Variants in TTC27 observed in about 807,000 individuals in gnomAD.
TTC27 encodes tetratricopeptide repeat domain 27.
A neutral mutation model predicts 115.9 loss-of-function variants in TTC27; 79 were observed. The observed-to-expected ratio is 0.68, with a 90% CI of 0.57 to 0.82. The LOEUF (loss-of-function observed/expected upper bound fraction) is 0.82. Ranked by LOEUF, TTC27 falls within the 40% of genes least tolerant of loss-of-function variation. TTC27 has a pLI of 0.00. For missense variants in TTC27, 1,054 were observed against 993.1 expected, an observed-to-expected ratio of 1.06 and a Z score of -0.82; for synonymous variants, 401 against 356.0, an observed-to-expected ratio of 1.13 and a Z score of -1.42.
At chr2:32,784,282 A>G (rs1670278145) in intron 15 of TTC27, among the ~76,000 whole-genome samples, 1 of 152,176 alleles carries the variant, frequency 6.6e-6, no homozygotes, top group African/African-American at 2.4e-5. Context: ...GCAGCTCCAC[A>G]AATAGGTTTT....
intron 10 of TTC27, among the ~76,000 whole-genome samples, chr2:32,710,427 C>CTTTTTTTTT (rs10651873): frequency 7.7e-6 from 1 of 129,856 alleles, no homozygotes; most frequent in Admixed American, 8.2e-5. Flanking sequence ...AAGTATATAG[C>CTTTTTTTTT]TTTTTTTTTT....
intron 8 of TTC27, 33 bp downstream of exon 8, chr2:32,672,417 A>T (rs1666045991): frequency 6.8e-7 from 1 of 1,470,856 alleles, no homozygotes; most frequent in Non-Finnish European, 9.5e-7. Context: ...TGCTTTGAAC[A>T]CTTTGCATAT....
In TTC27 at chr2:32,646,102, C is replaced by G. The variant is rs182477797; in HGVS notation, c.538-4029C>G. 2.6e-5 allele frequency among the ~76,000 whole-genome samples: 4 copies of G among 151,564 alleles called. No individual in the cohort carries two copies. In the East Asian group the frequency reaches 7.8e-4, roughly 29 times the overall value. ...GGAGTGCAGTGGTGCAATCTTGGCT[C>G]CCTGCAACCTCTGCCTCCTGGGTTC... On this transcript the variant is annotated intron_variant, in intron 4 of 19. Coordinates refer to ENST00000317907, the MANE Select transcript of TTC27 (RefSeq NM_017735.5).
intron 10 of TTC27, among the ~76,000 whole-genome samples, chr2:32,708,966 A>C (rs1014399229): frequency 2.4e-4 from 36 of 152,296 alleles, no homozygotes; most frequent in African/African-American, 8.2e-4. Context: ...GTTTTTAGGG[A>C]GTCAAAAGTC....
chr2:32,727,331 C>T (rs1572553534), intron 10 of TTC27, among the ~76,000 whole-genome samples: 1 of 152,182 alleles, frequency 6.6e-6, no homozygotes, highest in African/African-American at 2.4e-5. Flanking sequence ...CATGATGTTA[C>T]ACAATCAGTA....
At chr2:32,692,114 CAA>C (rs1313473616) in intron 9 of TTC27, among the ~76,000 whole-genome samples, 1 of 119,018 alleles carries the variant, frequency 8.4e-6, no homozygotes, top group Non-Finnish European at 1.6e-5. Flanking sequence ...CTCCTGGGCT[CAA>C]GTGTTCTGCC....
At chr2:32,687,210 C>A (rs183381978) in intron 9 of TTC27, among the ~76,000 whole-genome samples, 2 of 152,192 alleles carry the variant, frequency 1.3e-5, no homozygotes, top group Admixed American at 6.5e-5. Flanking sequence ...TATGTGGTTG[C>A]AAAGTTTCTA....
intron 13 of TTC27, among the ~76,000 whole-genome samples, chr2:32,761,941 A>C (rs1435638690): frequency 6.6e-6 from 1 of 152,200 alleles, no homozygotes; most frequent in East Asian, 1.9e-4. Flanking sequence ...ATATATACTA[A>C]TTGTCTGCCC....
chr2:32,705,510 A>G (rs1667337575), intron 10 of TTC27, among the ~76,000 whole-genome samples: 1 of 150,244 alleles, frequency 6.7e-6, no homozygotes, highest in South Asian at 2.3e-4. Context: ...CCACTATACT[A>G]ACGAGGAGGT....
chr2:32,779,222 CA>C (rs71407472), intron 14 of TTC27, among the ~76,000 whole-genome samples: 9 of 146,758 alleles, frequency 6.1e-5, no homozygotes, highest in Non-Finnish European at 1.2e-4. Context: ...GATTCTGTCT[CA>C]AAAAAAAAAC....
At chr2:32,786,111 C>G (rs1284144974) in intron 15 of TTC27, among the ~76,000 whole-genome samples, 1 of 138,226 alleles carries the variant, frequency 7.2e-6, no homozygotes, top group East Asian at 2.3e-4. Context: ...ACTCCTCCCT[C>G]TCCCCCTTAA....
At chr2:32,786,009 A>T (rs961583858) in intron 15 of TTC27, among the ~76,000 whole-genome samples, 6 of 152,042 alleles carry the variant, frequency 3.9e-5, no homozygotes, top group African/African-American at 1.4e-4. Context: ...TTCCTTTTCA[A>T]TGTAAATTAT....
intron 10 of TTC27, among the ~76,000 whole-genome samples, chr2:32,707,545 T>G (rs1270138371): frequency 6.6e-6 from 1 of 152,204 alleles, no homozygotes; most frequent in African/African-American, 2.4e-5. Flanking sequence ...TCAAGTCTAC[T>G]TTTTGATCTT....
intron 2 of TTC27, among the ~76,000 whole-genome samples, chr2:32,631,478 T>G (rs1003333879): frequency 9.9e-5 from 15 of 152,216 alleles, no homozygotes; most frequent in Admixed American, 2.0e-4. Flanking sequence ...TTTGTGTAAT[T>G]TTATAGGGTT....
At chr2:32,790,419 C>T (rs568524856) in intron 16 of TTC27, among the ~76,000 whole-genome samples, 5 of 151,812 alleles carry the variant, frequency 3.3e-5, no homozygotes, top group African/African-American at 1.2e-4. Context: ...CTTGTTTATC[C>T]ATTTTATAAT....
At chr2:32,648,163 T>C (rs780273589) in intron 4 of TTC27, among the ~76,000 whole-genome samples, 35 of 151,152 alleles carry the variant, frequency 2.3e-4, no homozygotes, top group Admixed American at 5.9e-4. Context: ...GTTTCACTCT[T>C]GTTGCCCAAG....
At chr2:32,698,799 A>C (rs1433507594) in intron 9 of TTC27, among the ~76,000 whole-genome samples, 1 of 152,202 alleles carries the variant, frequency 6.6e-6, no homozygotes, top group Non-Finnish European at 1.5e-5. Flanking sequence ...GTTGTCTTAA[A>C]GAAAAAATAT....
At chr2:32,807,443 A>G (rs1671168193) in intron 16 of TTC27, among the ~76,000 whole-genome samples, 1 of 152,160 alleles carries the variant, frequency 6.6e-6, no homozygotes, top group Admixed American at 6.5e-5. Context: ...ATTAAACAAA[A>G]TGAGGCATTA....
chr2:32,642,704 G>A (rs983355799), intron 4 of TTC27, among the ~76,000 whole-genome samples: 6 of 151,746 alleles, frequency 4.0e-5, no homozygotes, highest in East Asian at 1.9e-4. Flanking sequence ...CTCTGGCCCC[G>A]TTGCCCAGGC....
Sources: gnomAD v4.1 joint callset for allele counts (sites outside exome capture counted in the v4.1 genomes callset) on GRCh38, gnomAD v4.1.1 for gene constraint, MANE v1.5 for transcripts, NCBI Gene and HGNC (gene_info 2026-07-23, HGNC 2026-07-21) for gene names.